Variants in LRMDA observed in about 807,000 individuals in gnomAD.
LRMDA encodes leucine-rich melanocyte differentiation-associated protein.
In LRMDA, 18 loss-of-function variants were observed where a neutral mutation model predicts 29.8. The ratio of observed to expected loss-of-function variants is 0.60; its 90% confidence interval spans 0.42 to 0.90. The LOEUF (loss-of-function observed/expected upper bound fraction) is 0.90. Ranked by LOEUF, LRMDA falls within the 40% of genes least tolerant of loss-of-function variation. The pLI is 0.00. For missense variants in LRMDA, 273 were observed against 273.9 expected, an observed-to-expected ratio of 1.00 and a Z score of 0.02; for synonymous variants, 125 against 109.4, an observed-to-expected ratio of 1.14 and a Z score of -0.89.
At chr10:76,495,580 T>G (rs77857848) in intron 6 of LRMDA, among the ~76,000 whole-genome samples, 1 of 151,888 alleles carries the variant, frequency 6.6e-6, no homozygotes, top group East Asian at 1.9e-4. Flanking sequence ...AAAAAATATT[T>G]TTATTCAACA....
intron 6 of LRMDA, among the ~76,000 whole-genome samples, chr10:76,360,178 G>A (rs919336364): frequency 3.3e-5 from 5 of 151,994 alleles, no homozygotes; most frequent in Admixed American, 3.3e-4. Context: ...AGGAGAGACG[G>A]GGTTTCTCCA....
intron 2 of LRMDA, among the ~76,000 whole-genome samples, chr10:75,704,009 T>A (rs1842338135): frequency 2.0e-5 from 3 of 152,200 alleles, no homozygotes; most frequent in Admixed American, 2.0e-4. Flanking sequence ...CTTGCTATAT[T>A]GGGTAATAAG....
At chr10:75,453,998 A>G (rs914305718) in intron 2 of LRMDA, among the ~76,000 whole-genome samples, 9 of 152,230 alleles carry the variant, frequency 5.9e-5, no homozygotes, top group African/African-American at 2.2e-4. Context: ...GGTTGGATGA[A>G]GAATGGACAG....
chr10:76,479,374 C>G (rs914175825), intron 6 of LRMDA, among the ~76,000 whole-genome samples: 1 of 151,886 alleles, frequency 6.6e-6, no homozygotes, highest in Non-Finnish European at 1.5e-5. Flanking sequence ...GGTGTGTAAC[C>G]TGTGCAGTCA....
chr10:75,897,258 C>T (rs1388019172), intron 2 of LRMDA, among the ~76,000 whole-genome samples: 1 of 152,142 alleles, frequency 6.6e-6, no homozygotes, highest in East Asian at 1.9e-4. Context: ...AATTCTTTTC[C>T]TAGAACCAAA....
chr10:75,727,722 T>C (rs916737135), intron 2 of LRMDA, among the ~76,000 whole-genome samples: 4 of 152,176 alleles, frequency 2.6e-5, no homozygotes, highest in African/African-American at 9.6e-5. Flanking sequence ...GTTAATTCCT[T>C]TTCTATTTAT....
chr10:75,849,404 C>T (rs1844693988), intron 2 of LRMDA, among the ~76,000 whole-genome samples: 1 of 151,958 alleles, frequency 6.6e-6, no homozygotes, highest in African/African-American at 2.4e-5. Context: ...ACATATATAC[C>T]ATGAAATACT....
intron 2 of LRMDA, among the ~76,000 whole-genome samples, chr10:75,691,115 T>TATCTATGTATATAGATATATAG (rs1842144768): frequency 1.2e-5 from 1 of 82,336 alleles, no homozygotes; most frequent in Non-Finnish European, 2.1e-5. Flanking sequence ...TAGATCTATA[T>TATCTATGTATATAGATATATAG]ATCTATATAC....
intron 2 of LRMDA, among the ~76,000 whole-genome samples, chr10:75,698,188 T>A (rs1177723975): frequency 6.6e-6 from 1 of 152,070 alleles, no homozygotes. Flanking sequence ...TCCCACCCCA[T>A]TAGTGAGGGA....
chr10:76,159,152 G>T (rs1850597068), intron 5 of LRMDA, among the ~76,000 whole-genome samples: 1 of 152,220 alleles, frequency 6.6e-6, no homozygotes, highest in South Asian at 2.1e-4. Flanking sequence ...ATACCTTAAA[G>T]TGATTATGCT....
chr10:76,300,597 T>A (rs772166287), intron 5 of LRMDA, among the ~76,000 whole-genome samples: 1 of 152,242 alleles, frequency 6.6e-6, no homozygotes, highest in Non-Finnish European at 1.5e-5. Flanking sequence ...CTGGAACAGA[T>A]GAAATCTCTT....
At chr10:76,136,519 T>C (rs772560811) in intron 5 of LRMDA, among the ~76,000 whole-genome samples, 1 of 152,180 alleles carries the variant, frequency 6.6e-6, no homozygotes, top group Admixed American at 6.5e-5. Context: ...AACTATTACC[T>C]AATATGTGCA....
Position 75,484,586 on chromosome 10 carries a change from G to A in LRMDA, c.131+46092G>A, listed in dbSNP as rs1008948196. Among the ~76,000 whole-genome samples the A allele has an allele frequency of 2.6e-5, 4 of 152,184 alleles. No homozygotes were observed. The East Asian group carries it at 7.7e-4, about 29-fold the overall frequency. The stretch of plus-strand genomic sequence containing the variant: ...TCTCACCCAAAATCCATTTGTTGAA[G>A]CCCTAATTGCCAATGTGACTATATT... On this transcript the variant is annotated intron_variant, in intron 2 of 6. Transcript: ENST00000611255.
In LRMDA at chr10:76,260,491, G is replaced by A. The variant is rs569883223; in HGVS notation, c.517-63910G>A. Among the ~76,000 whole-genome samples, 9 of 151,790 alleles carry A rather than the reference G, an allele frequency of 5.9e-5. No individual in the cohort carries two copies. The South Asian group carries it at 1.9e-3, about 32-fold the overall frequency. On this transcript the variant is annotated intron_variant, in intron 5 of 6. Coordinates refer to ENST00000611255, the MANE Select transcript of LRMDA (RefSeq NM_001305581.2). ...TTGGCTGACATTTTTTTTTCTTTTA[G>A]TACTTTGAATATGTCATCCCATTCT... is the stretch of plus-strand genomic sequence containing the variant.
At chr10:75,633,263 G>A (rs1269108077) in intron 2 of LRMDA, among the ~76,000 whole-genome samples, 1 of 152,172 alleles carries the variant, frequency 6.6e-6, no homozygotes, top group East Asian at 1.9e-4. Context: ...GTCCAATTTA[G>A]AGCCTGCACT....
At chr10:76,157,400 C>T (rs1850557430) in intron 5 of LRMDA, among the ~76,000 whole-genome samples, 1 of 152,024 alleles carries the variant, frequency 6.6e-6, no homozygotes, top group Non-Finnish European at 1.5e-5. Context: ...TCACTTGAGG[C>T]TAGGAGTTTC....
intron 5 of LRMDA, among the ~76,000 whole-genome samples, chr10:76,220,221 A>G (rs1467290926): frequency 6.6e-6 from 1 of 152,194 alleles, no homozygotes; most frequent in Non-Finnish European, 1.5e-5. Flanking sequence ...GAAAAGCAAG[A>G]GCAAACACAT....
chr10:75,707,060 C>A (rs1842378876), intron 2 of LRMDA, among the ~76,000 whole-genome samples: 1 of 152,148 alleles, frequency 6.6e-6, no homozygotes, highest in South Asian at 2.1e-4. Context: ...TGCTTTAGTG[C>A]CTTGGGGCGT....
rs1392459815 is a variant in LRMDA at position 76,558,431 on chromosome 10, C to A, written c.*1143C>A. On this transcript the variant is annotated 3_prime_UTR_variant, in exon 7 of 7. Transcript: ENST00000611255. ...CTGTATGCTTGGCTGTGCACTAGCA[C>A]TAATGTCACAAGGAACATAAGTGTG... 1 of 152,204 alleles carries A rather than the reference C, an allele frequency of 6.6e-6. No homozygotes were observed. Among genetic ancestry groups the A allele is most frequent in the Non-Finnish European group, 1.5e-5 (1 of 68,042 alleles). 9.4% of individuals were successfully genotyped at this position (152,204 alleles called of 1,614,324 possible).
Sources: gnomAD v4.1 joint callset for allele counts (sites outside exome capture counted in the v4.1 genomes callset) on GRCh38, gnomAD v4.1.1 for gene constraint, MANE v1.5 for transcripts, NCBI Gene and HGNC (gene_info 2026-07-23, HGNC 2026-07-21) for gene names.